The following DRC1 variants were observed in gnomAD, a reference collection of about 807,000 sequenced individuals.
DRC1 encodes the protein dynein regulatory complex protein 1.
DRC1 carries 74 observed loss-of-function variants against 98.7 expected under a neutral mutation model. The observed-to-expected ratio is 0.75, with a 90% confidence interval of 0.62 to 0.91. The LOEUF (loss-of-function observed/expected upper bound fraction) is 0.91. Among genes scored for constraint, DRC1 ranks in the 40% least tolerant of loss-of-function variants. DRC1 has a pLI of 0.00. For synonymous variants in DRC1, 336 were observed against 334.1 expected, an observed-to-expected ratio of 1.01 and a Z score of -0.06; for missense variants, 875 against 886.0, an observed-to-expected ratio of 0.99 and a Z score of 0.16.
chr2:26,449,665 G>A (rs2148004235), intron 11 of DRC1, among the ~76,000 whole-genome samples: 1 of 152,346 alleles, frequency 6.6e-6, no homozygotes, highest in African/African-American at 2.4e-5. Context: ...CCTGTGACTG[G>A]GTCAGCTTTG....
chr2:26,422,228 G>A (rs767054233), intron 3 of DRC1, among the ~76,000 whole-genome samples: 22 of 152,202 alleles, frequency 1.4e-4, no homozygotes, highest in Admixed American at 1.3e-4. Flanking sequence ...GCATGATAGC[G>A]AAGGATGTAT....
intron 4 of DRC1, among the ~76,000 whole-genome samples, chr2:26,426,362 TTTTG>T (rs766803223): frequency 6.7e-6 from 1 of 149,340 alleles, no homozygotes; most frequent in Non-Finnish European, 1.5e-5. Context: ...GCAGTTTTGT[TTTTG>T]TTTATTTTTT....
At chr2:26,423,271 T>C (rs1208812824) in intron 3 of DRC1, among the ~76,000 whole-genome samples, 1 of 151,766 alleles carries the variant, frequency 6.6e-6, no homozygotes, top group Non-Finnish European at 1.5e-5. Context: ...GACAGCTCTT[T>C]CTCATTTCTT....
Position 26,456,642 on chromosome 2 carries a change from T to C in DRC1, c.*125T>C. 2 of 1,120,552 alleles carry C rather than the reference T, an allele frequency of 1.8e-6. No homozygotes were observed. The highest frequency in any genetic ancestry group is 2.6e-6 in the Non-Finnish European group (2 of 767,612). 69.4% of individuals were successfully genotyped at this position (1,120,552 alleles called of 1,614,324 possible). ...TCTGGATTTTCCAGGGCTGTCTTTA[T>C]AGCCTGTCGAAATAAGGAGCCAGAG... On this transcript the variant is annotated 3_prime_UTR_variant, in exon 17 of 17. Transcript: ENST00000288710.
At chr2:26,415,186 G>A (rs1163782291) in intron 2 of DRC1, among the ~76,000 whole-genome samples, 1 of 152,148 alleles carries the variant, frequency 6.6e-6, no homozygotes, top group Non-Finnish European at 1.5e-5. Context: ...CCTCCATGGC[G>A]ATGAAACAGC....
intron 6 of DRC1, 59 bp downstream of exon 6, chr2:26,430,931 T>A (rs2147991698): frequency 7.5e-7 from 1 of 1,333,960 alleles, no homozygotes; most frequent in Non-Finnish European, 1.0e-6. Context: ...TTATTGTGAC[T>A]GAATTTGCTA....
chr2:26,420,563 GAATA>G (rs1254792446), intron 2 of DRC1, among the ~76,000 whole-genome samples: 1 of 152,094 alleles, frequency 6.6e-6, no homozygotes, highest in African/African-American at 2.4e-5. Flanking sequence ...TCTCTACAGT[GAATA>G]AATAAAGTAC....
At chr2:26,426,093 A>G (rs1558441982) in intron 4 of DRC1, among the ~76,000 whole-genome samples, 1 of 152,156 alleles carries the variant, frequency 6.6e-6, no homozygotes, top group Non-Finnish European at 1.5e-5. Flanking sequence ...TAAGGACCCA[A>G]CTTCATTCTT....
chr2:26,414,719 C>T (rs1028371471), intron 2 of DRC1, among the ~76,000 whole-genome samples: 1 of 152,202 alleles, frequency 6.6e-6, no homozygotes, highest in Non-Finnish European at 1.5e-5. Context: ...GTAGTCTGTT[C>T]CCATCTTCAC....
At chr2:26,453,859 G>A (rs1037592641) in intron 14 of DRC1, among the ~76,000 whole-genome samples, 8 of 152,242 alleles carry the variant, frequency 5.3e-5, no homozygotes, top group African/African-American at 7.2e-5. Context: ...CATTCAAGGT[G>A]CACCATTGTT....
At chr2:26,411,471 C>T (rs931992192) in intron 1 of DRC1, among the ~76,000 whole-genome samples, 1 of 152,150 alleles carries the variant, frequency 6.6e-6, no homozygotes, top group African/African-American at 2.4e-5. Flanking sequence ...ATTTCAAGTG[C>T]TTTATAGCCA....
intron 1 of DRC1, among the ~76,000 whole-genome samples, chr2:26,404,167 C>G (rs1678346841): frequency 6.6e-6 from 1 of 152,140 alleles, no homozygotes; most frequent in Non-Finnish European, 1.5e-5. Context: ...TGGACTGGAT[C>G]TGTCCCACAG....
chr2:26,425,119 T>C (rs1053777132), intron 4 of DRC1, among the ~76,000 whole-genome samples: 17 of 152,220 alleles, frequency 1.1e-4, no homozygotes, highest in African/African-American at 4.1e-4. Context: ...ATCACCTTTC[T>C]ACTTTCTGTT....
chr2:26,422,228 G>C (rs767054233), intron 3 of DRC1, among the ~76,000 whole-genome samples: 2 of 152,202 alleles, frequency 1.3e-5, no homozygotes, highest in Admixed American at 6.5e-5. Context: ...GCATGATAGC[G>C]AAGGATGTAT....
In DRC1 at chr2:26,455,697, C is replaced by T. The variant is rs528478314; in HGVS notation, c.2166+464C>T. Among the ~76,000 whole-genome samples the T allele has an allele frequency of 8.5e-5, 13 of 152,378 alleles. No homozygotes were observed. The East Asian group carries it at 1.9e-3, about 23-fold the overall frequency. On this transcript the variant is annotated intron_variant, in intron 16 of 16. Transcript: ENST00000288710. ...CTGGGCTCTTTCCACCCACCAGCCCCGGTTCCCTGCCTGGGATATGACTGG... is the reference window on the plus strand; with the variant it reads ...CTGGGCTCTTTCCACCCACCAGCCCTGGTTCCCTGCCTGGGATATGACTGG...
At chr2:26,413,930 T>G (rs1002392409) in intron 1 of DRC1, among the ~76,000 whole-genome samples, 5 of 151,914 alleles carry the variant, frequency 3.3e-5, no homozygotes, top group Non-Finnish European at 7.4e-5. Flanking sequence ...ATTTAAGTTT[T>G]TTAAATGATA....
Position 26,453,339 on chromosome 2 carries a change from C to T in DRC1, c.1709C>T (p.Ala570Val), listed in dbSNP as rs142635577. 7.4e-6 allele frequency: 12 copies of T among 1,613,018 alleles called. No homozygotes were observed. Among genetic ancestry groups the T allele is most frequent in the African/African-American group, 5.4e-5 (4 of 74,034 alleles). ...CTCCAGATCAAGCCCTGCAGTCAGG[C>T]GAGCATGGAGAAGGCGAGCATGGAG... ...SSLQIKPCSQ[A>V]SMEKASMEET... Residue 570 changes from alanine to valine, a missense_variant, in exon 14 of 17, where the codon GCG (alanine) becomes GTG (valine). Transcript: ENST00000288710.
At position 26,454,368 on chromosome 2, in the gene DRC1, G is replaced by A. The variant is rs1456381688; in HGVS notation, c.1920-279G>A. On this transcript the variant is annotated intron_variant, in intron 14 of 16. Transcript: ENST00000288710. The surrounding 1 kb of genome is among the most constrained non-coding windows in gnomAD (Gnocchi z 5.2). ...TTTGGATGTGTTGGTGCAAGAGATG[G>A]GCACAGTGATGAGCTGTAAAGCCAG... Among the ~76,000 whole-genome samples, 1 of 152,136 alleles carries A rather than the reference G, an allele frequency of 6.6e-6. No homozygotes were observed. Among genetic ancestry groups the A allele is most frequent in the Non-Finnish European group, 1.5e-5 (1 of 68,018 alleles).
intron 6 of DRC1, 52 bp downstream of exon 6, chr2:26,430,924 T>C (rs748274553): frequency 6.0e-6 from 9 of 1,502,714 alleles, no homozygotes; most frequent in East Asian, 4.6e-5. Context: ...GTGATTTTTA[T>C]TGTGACTGAA....
Sources: allele counts gnomAD v4.1 joint callset (sites outside exome capture counted in the v4.1 genomes callset), GRCh38; gene constraint gnomAD v4.1.1; non-coding constraint Gnocchi (gnomAD v3.1); transcripts MANE v1.5; gene names NCBI Gene and HGNC (gene_info 2026-07-23, HGNC 2026-07-21).